Variants in WFDC8 observed in about 807,000 individuals in gnomAD.
WFDC8 encodes WAP four-disulfide core domain 8, also known as WAP four-disulfide core domain protein 8.
A neutral mutation model predicts 27.0 loss-of-function variants in WFDC8; 24 were observed. That is an observed-to-expected ratio of 0.89 (90% CI 0.64 to 1.25). WFDC8 has a LOEUF of 1.25. Among genes scored for constraint, WFDC8 ranks in the 50% most tolerant of loss-of-function variants. The pLI, the probability that WFDC8 is intolerant of heterozygous loss-of-function variation, is 0.00. For synonymous variants in WFDC8, 106 were observed against 99.7 expected, an observed-to-expected ratio of 1.06 and a Z score of -0.38; for missense variants, 287 against 295.9, an observed-to-expected ratio of 0.97 and a Z score of 0.22.
At chr20:45,562,069 T>C (rs1980490469) in intron 2 of WFDC8, 41 bp downstream of exon 2, 1 of 1,577,202 alleles carries the variant, frequency 6.3e-7, no homozygotes, top group Non-Finnish European at 8.7e-7. Flanking sequence ...TCCCCAATAA[T>C]GCTTTCTAAG....
intron 1 of WFDC8, among the ~76,000 whole-genome samples, chr20:45,574,930 A>G (rs1279468124): frequency 6.6e-6 from 1 of 152,244 alleles, no homozygotes; most frequent in Admixed American, 6.5e-5. Flanking sequence ...TATAAATAAT[A>G]TGATCATCTC....
intron 1 of WFDC8, among the ~76,000 whole-genome samples, chr20:45,569,318 AC>A (rs1189447400): frequency 6.6e-6 from 1 of 152,122 alleles, no homozygotes; most frequent in Non-Finnish European, 1.5e-5. Context: ...CATACTTAAA[AC>A]TTTTTGTCCC....
chr20:45,574,022 A>C (rs1181140788), intron 1 of WFDC8, among the ~76,000 whole-genome samples: 1 of 152,172 alleles, frequency 6.6e-6, no homozygotes, highest in Admixed American at 6.5e-5. Flanking sequence ...CTCCATACAA[A>C]TTTTAGGATT....
intron 1 of WFDC8, among the ~76,000 whole-genome samples, chr20:45,566,136 G>A (rs1033494978): frequency 6.6e-6 from 1 of 152,012 alleles, no homozygotes; most frequent in Non-Finnish European, 1.5e-5. Flanking sequence ...GTAGATGCTG[G>A]TAAAGCCTTT....
At position 45,551,861 on chromosome 20, in the gene WFDC8, A is replaced by T; in HGVS notation, c.*165T>A. The stretch of plus-strand genomic sequence containing the variant: ...ATGAAGTTGAAAAAAAGCCAAATAT[A>T]TCATCACTTTCAGATGATGGGATTA... On this transcript the variant is annotated 3_prime_UTR_variant, in exon 6 of 6. Coordinates refer to ENST00000289953, the MANE Select transcript of WFDC8 (RefSeq NM_130896.3). 1.2e-6 allele frequency: 1 copy of T among 864,704 alleles called. No individual in the cohort carries two copies. The allele number at this position is 864,704 out of a possible 1,614,324, so 53.6% of individuals were successfully genotyped here. A position where few individuals can be genotyped will look rare whatever the true frequency, so the allele number is the denominator to read the frequency against.
At chr20:45,575,532 G>T (rs540445114) in intron 1 of WFDC8, among the ~76,000 whole-genome samples, 7 of 147,038 alleles carry the variant, frequency 4.8e-5, no homozygotes, top group Non-Finnish European at 1.1e-4. Flanking sequence ...TAAATGAAAA[G>T]ATATTTCATA....
At chr20:45,553,368 C>T in intron 4 of WFDC8, 92 bp from the exon 5 acceptor site, 1 of 1,469,622 alleles carries the variant, frequency 6.8e-7, no homozygotes, top group Non-Finnish European at 9.0e-7. Flanking sequence ...GCTAGTATCC[C>T]TTTCTGCAAC....
chr20:45,555,373 G>C (rs1332226736), intron 4 of WFDC8, among the ~76,000 whole-genome samples: 1 of 152,140 alleles, frequency 6.6e-6, no homozygotes, highest in East Asian at 1.9e-4. Context: ...TGCTCAACAG[G>C]TTACTATGAT....
At chr20:45,578,840 C>A (rs1430860937) in intron 1 of WFDC8, among the ~76,000 whole-genome samples, 1 of 152,212 alleles carries the variant, frequency 6.6e-6, no homozygotes, top group Admixed American at 6.5e-5. Context: ...CCCCTCCACA[C>A]TGGGCCACTC....
At chr20:45,577,071 T>C (rs993189627) in intron 1 of WFDC8, among the ~76,000 whole-genome samples, 14 of 151,532 alleles carry the variant, frequency 9.2e-5, no homozygotes, top group African/African-American at 3.1e-4. Context: ...GGCAAAAAAT[T>C]TGAGTCCCCC....
chr20:45,556,546 G>T (rs1980260520), intron 3 of WFDC8, among the ~76,000 whole-genome samples: 1 of 152,144 alleles, frequency 6.6e-6, no homozygotes, highest in South Asian at 2.1e-4. Flanking sequence ...AAGATGAGGA[G>T]CATTGTGGCT....
chr20:45,557,321 A>G (rs1980297907), intron 3 of WFDC8, among the ~76,000 whole-genome samples: 1 of 152,248 alleles, frequency 6.6e-6, no homozygotes, highest in Admixed American at 6.5e-5. Flanking sequence ...ATCCTGAAGC[A>G]TGGATTTGTA....
chr20:45,562,326 G>T, intron 1 of WFDC8, 107 bp from the exon 2 acceptor site: 1 of 865,864 alleles, frequency 1.2e-6, no homozygotes, highest in Non-Finnish European at 1.9e-6. Context: ...TTAGTTCACA[G>T]GTAAGAAGAC....
At position 45,568,813 on chromosome 20, in the gene WFDC8, G is replaced by C; in HGVS notation, c.27-6594C>G. ...ATGTCTTCACACAAAGACATAATAG[G>C]ATAGTGAGGTCTCCAGATGCTGAAA... On this transcript the variant is annotated intron_variant, in intron 1 of 5. Coordinates refer to ENST00000289953, the MANE Select transcript of WFDC8 (RefSeq NM_130896.3). The C allele has an allele frequency of 5.5e-6, 2 of 366,762 alleles. 1 individual carries two copies. Among genetic ancestry groups the C allele is most frequent in the South Asian group, 4.8e-5 (2 of 41,922 alleles). 22.7% of individuals were successfully genotyped at this position (366,762 alleles called of 1,614,324 possible). A position where few individuals can be genotyped will look rare whatever the true frequency, so the allele number is the denominator to read the frequency against.
At chr20:45,561,744 G>A (rs8125579) in intron 2 of WFDC8, among the ~76,000 whole-genome samples, 10 of 50,372 alleles carry the variant, frequency 2.0e-4, no homozygotes, top group Non-Finnish European at 3.4e-4. Flanking sequence ...ACTTGCGTGT[G>A]TGTGTGTGTG....
chr20:45,560,376 T>C (rs7265308), intron 2 of WFDC8, among the ~76,000 whole-genome samples: 58,275 of 152,074 alleles, frequency 0.38, 11,644 homozygotes, highest in Non-Finnish European at 0.43. Flanking sequence ...ATTTCAATCT[T>C]GGCCTGGTAA....
intron 5 of WFDC8, 56 bp downstream of exon 5, chr20:45,553,080 C>CATG (rs370364001): frequency 9.6e-6 from 15 of 1,566,324 alleles, no homozygotes; most frequent in African/African-American, 4.1e-5. Context: ...ATGGAGACAG[C>CATG]ATGACATCCT....
chr20:45,566,970 C>T (rs559689550), intron 1 of WFDC8, among the ~76,000 whole-genome samples: 74 of 152,220 alleles, frequency 4.9e-4, no homozygotes, highest in African/African-American at 1.7e-3. Flanking sequence ...GTATTTAATA[C>T]TTACCATTAT....
intron 1 of WFDC8, among the ~76,000 whole-genome samples, chr20:45,571,380 A>G (rs144525181): frequency 1.3e-5 from 2 of 152,294 alleles, no homozygotes; most frequent in African/African-American, 4.8e-5. Context: ...AATTATTTAT[A>G]TTTATGTGCT....
Sources: gnomAD v4.1 joint callset for allele counts (sites outside exome capture counted in the v4.1 genomes callset) on GRCh38, gnomAD v4.1.1 for gene constraint, MANE v1.5 for transcripts, NCBI Gene and HGNC (gene_info 2026-07-23, HGNC 2026-07-21) for gene names.